The following NBPF26 variants were observed in gnomAD, a reference collection of about 807,000 sequenced individuals.
The protein encoded by NBPF26 is NBPF member 26.
In NBPF26, 79 loss-of-function variants were observed where a neutral mutation model predicts 119.6. That is an observed-to-expected ratio of 0.66 (90% CI 0.55 to 0.80). The LOEUF (loss-of-function observed/expected upper bound fraction) is 0.80, where lower values mean the gene tolerates loss of function less well. Ranked by LOEUF, NBPF26 falls within the 30% of genes least tolerant of loss-of-function variation. NBPF26 has a pLI of 0.00. For missense variants in NBPF26, 800 were observed against 1,198.2 expected, an observed-to-expected ratio of 0.67 and a Z score of 4.91; for synonymous variants, 299 against 457.7, an observed-to-expected ratio of 0.65 and a Z score of 4.43.
At chr1:120,822,912 T>C (rs1165730243) in intron 16 of NBPF26, among the ~76,000 whole-genome samples, 3 of 124,230 alleles carry the variant, frequency 2.4e-5, no homozygotes, top group Admixed American at 1.6e-4. Flanking sequence ...ATTGCACCCT[T>C]TCATCAAATC....
At chr1:120,801,427 G>A (rs1162514248) in intron 4 of NBPF26, among the ~76,000 whole-genome samples, 1 of 107,202 alleles carries the variant, frequency 9.3e-6, no homozygotes, top group Admixed American at 9.1e-5. Context: ...CTTAAAAATG[G>A]TGATTTTTGT....
intron 6 of NBPF26, among the ~76,000 whole-genome samples, chr1:120,808,125 T>A (rs1651750812): frequency 8.4e-6 from 1 of 118,684 alleles, no homozygotes; most frequent in South Asian, 2.6e-4. Flanking sequence ...GTCATTCTTT[T>A]CTTCTTTCAT....
At chr1:120,768,677 C>T (rs1651222693) in intron 2 of NBPF26, among the ~76,000 whole-genome samples, 2 of 99,990 alleles carry the variant, frequency 2.0e-5, no homozygotes, top group Non-Finnish European at 3.6e-5. Flanking sequence ...GGCTTATATC[C>T]CTTCTAGTTT....
intron 11 of NBPF26, among the ~76,000 whole-genome samples, 177 bp from the exon 12 acceptor site, chr1:120,814,652 G>A (rs1200283778): frequency 2.4e-5 from 3 of 123,508 alleles, no homozygotes; most frequent in Admixed American, 7.9e-5. Flanking sequence ...TGATTCAGAG[G>A]AAGCCTGTAA....
At chr1:120,806,337 A>G (rs1178726821) in intron 5 of NBPF26, among the ~76,000 whole-genome samples, 3 of 113,034 alleles carry the variant, frequency 2.7e-5, no homozygotes, top group African/African-American at 1.3e-4. Context: ...GCTCACTCCT[A>G]TAATCTCAGC....
At position 120,756,091 on chromosome 1, in the gene NBPF26, A is replaced by C. The variant is rs1198082574; in HGVS notation, c.74-7537A>C. On this transcript the variant is annotated intron_variant, in intron 1 of 29. Transcript: ENST00000620612. ...GATTTTTTTTTCATGGCTTGATCCCAAAAAATGGAACACAAAATTTAGAGA... is the reference window on the plus strand; with the variant it reads ...GATTTTTTTTTCATGGCTTGATCCCCAAAAATGGAACACAAAATTTAGAGA... 3.5e-5 allele frequency among the ~76,000 whole-genome samples: 4 copies of C among 114,672 alleles called. 2 individuals carry two copies. Among genetic ancestry groups the C allele is most frequent in the African/African-American group, 1.0e-4 (2 of 19,276 alleles). 75.2% of individuals were successfully genotyped at this position (114,672 alleles called of 152,430 possible). A position where few individuals can be genotyped will look rare whatever the true frequency, so the allele number is the denominator to read the frequency against.
In NBPF26 at chr1:120,823,960, TC is replaced by T; in HGVS notation, c.2640-11del. The stretch of plus-strand genomic sequence containing the variant: ...TCCCCCTGGCTTATTCTTTACTTTT[TC>T]CCACTTTTCCAGGCTCAGCAGAGAG... On this transcript the variant is annotated splice_polypyrimidine_tract_variant and intron_variant, in intron 17 of 29. Coordinates refer to ENST00000620612, the Ensembl canonical transcript of NBPF26. 2 of 700,774 alleles carry T rather than the reference TC, an allele frequency of 2.9e-6. No homozygotes were observed. The highest frequency in any genetic ancestry group is 4.5e-6 in the Non-Finnish European group (2 of 441,272). The allele number at this position is 700,774 out of a possible 1,614,324, so 43.4% of individuals were successfully genotyped here. A position where few individuals can be genotyped will look rare whatever the true frequency, so the allele number is the denominator to read the frequency against.
In NBPF26 at chr1:120,814,904, TGCCTCCC is replaced by T; in HGVS notation, c.1956_1962del (p.Ser653HisfsTer2). 1.6e-6 allele frequency: 2 copies of T among 1,226,704 alleles called. No homozygotes were observed. Among genetic ancestry groups the T allele is most frequent in the South Asian group, 2.5e-5 (2 of 79,834 alleles). The allele number at this position is 1,226,704 out of a possible 1,614,324, so 76.0% of individuals were successfully genotyped here. A position where few individuals can be genotyped will look rare whatever the true frequency, so the allele number is the denominator to read the frequency against. The stretch of plus-strand genomic sequence containing the variant: ...GGGAGAAGTTGCGGGAAGGGAGAGA[TGCCTCCC>T]GCTCATTGAATGAGCATCTCCAGGC... On this transcript the variant is annotated frameshift_variant, in exon 12 of 30. Coordinates refer to ENST00000620612, the Ensembl canonical transcript of NBPF26. LOFTEE classifies it high-confidence loss of function.
Position 120,793,335 on chromosome 1 carries a change from C to G in NBPF26, c.590C>G (p.Thr197Ser), listed in dbSNP as rs1307199552. 5.0e-6 allele frequency: 7 copies of G among 1,390,868 alleles called. 2 individuals carry two copies. The Admixed American group carries it at 1.4e-4, about 27-fold the overall frequency. 86.2% of individuals were successfully genotyped at this position (1,390,868 alleles called of 1,614,324 possible). A position where few individuals can be genotyped will look rare whatever the true frequency, so the allele number is the denominator to read the frequency against. Residue 197 changes from threonine to serine, a missense_variant, in exon 4 of 30, where the codon ACC becomes AGC. This residue lies in a region of NBPF26 where 209 missense variants were observed against 285.2 expected (regional missense o/e 0.73). Transcript: ENST00000620612. ...CCAGGACACTGCCAGCATGGTGGCA[C>G]CTGCCTCAACCTGCCTGGTTCCTAC...
chr1:120,750,390 C>G (rs1436830475), intron 1 of NBPF26, among the ~76,000 whole-genome samples: 1 of 79,880 alleles, frequency 1.3e-5, no homozygotes, highest in East Asian at 2.9e-4. Context: ...GGTGTTCACA[C>G]AAGCCATAGA....
rs1167409130 is a variant in NBPF26 at position 120,794,127 on chromosome 1, T to G, written c.751+631T>G. ...CAGTGAGCACTTTTTGATGAGCTGA[T>G]AGATGATATATGAGAGACTATGTGT... On this transcript the variant is annotated intron_variant, in intron 4 of 29. Transcript: ENST00000620612. Among the ~76,000 whole-genome samples, 2 of 111,582 alleles carry G rather than the reference T, an allele frequency of 1.8e-5. 1 individual carries two copies. Among genetic ancestry groups the G allele is most frequent in the Admixed American group, 1.8e-4 (2 of 11,376 alleles). 73.2% of individuals were successfully genotyped at this position (111,582 alleles called of 152,430 possible). A position where few individuals can be genotyped will look rare whatever the true frequency, so the allele number is the denominator to read the frequency against.
At position 120,785,247 on chromosome 1, in the gene NBPF26, C is replaced by T. The variant is rs1651412834; in HGVS notation, c.415+14C>T. ...TCGGGTTTACAGGTAACTAATGAGA[C>T]CAAAGCCAGTGCTTCCCTACCTTCA... On this transcript the variant is annotated intron_variant, in intron 3 of 29. Transcript: ENST00000620612. 1 of 1,443,558 alleles carries T rather than the reference C, an allele frequency of 6.9e-7. No homozygotes were observed. The highest frequency in any genetic ancestry group is 1.2e-5 in the South Asian group (1 of 83,098). The allele number at this position is 1,443,558 out of a possible 1,614,324, so 89.4% of individuals were successfully genotyped here.
downstream of NBPF26, chr1:120,840,815 A>C (rs1417427978): frequency 3.6e-6 from 2 of 549,874 alleles, no homozygotes; most frequent in Non-Finnish European, 6.0e-6. Flanking sequence ...TGTGCAGCAC[A>C]TGCCGGGAGT....
chr1:120,815,122 A>T, intron 12 of NBPF26, 79 bp downstream of exon 12: 2 of 1,344,746 alleles, frequency 1.5e-6, no homozygotes. Flanking sequence ...TCACAATGAC[A>T]GTTGTATCAG....
exon 1 of NBPF26, chr1:120,724,153 G>A: frequency 7.3e-7 from 1 of 1,365,434 alleles, no homozygotes; most frequent in South Asian, 1.5e-5. Flanking sequence ...CGGCGGCGGA[G>A]GAGGAGGAGG....
chr1:120,840,403 T>G, exon 30 of NBPF26: 2 of 1,464,994 alleles, frequency 1.4e-6, no homozygotes, highest in Non-Finnish European at 1.8e-6. Context: ...CAGGACTCAC[T>G]GGATATATGT....
Position 120,804,960 on chromosome 1 carries a change from A to C in NBPF26, c.752-596A>C, listed in dbSNP as rs1306802069. Among the ~76,000 whole-genome samples the C allele has an allele frequency of 1.7e-5, 2 of 120,256 alleles. 1 individual carries two copies. The highest frequency in any genetic ancestry group is 3.3e-5 in the Non-Finnish European group (2 of 60,966). 78.9% of individuals were successfully genotyped at this position (120,256 alleles called of 152,430 possible). On this transcript the variant is annotated intron_variant, in intron 4 of 29. Transcript: ENST00000620612. Reference sequence around the variant, plus strand: ...TATCTTACACCTGTGGAAAAGCCTTAAGCTCTGTTTTAACTGAGAGCAGGT... The same window carrying C: ...TATCTTACACCTGTGGAAAAGCCTTCAGCTCTGTTTTAACTGAGAGCAGGT...
intron 10 of NBPF26, among the ~76,000 whole-genome samples, chr1:120,813,572 G>A (rs1336651443): frequency 1.6e-5 from 2 of 128,002 alleles, no homozygotes; most frequent in African/African-American, 7.2e-5. Context: ...AGGAGAGGCT[G>A]CAAGGCTTGG....
chr1:120,804,694 C>A (rs1651636086), intron 4 of NBPF26, among the ~76,000 whole-genome samples: 1 of 117,910 alleles, frequency 8.5e-6, no homozygotes, highest in African/African-American at 4.8e-5. Flanking sequence ...AAAAACACAT[C>A]AACCCACATA....
Sources: gnomAD v4.1 joint callset for allele counts (sites outside exome capture counted in the v4.1 genomes callset) on GRCh38, gnomAD v4.1.1 for gene constraint, gnomAD v4.1.1 regional missense constraint, MANE v1.5 for transcripts, NCBI Gene and HGNC (gene_info 2026-07-23, HGNC 2026-07-21) for gene names.